Variants in DLG2 observed in about 807,000 individuals in gnomAD.
DLG2 encodes disks large homolog 2.
In DLG2, 45 loss-of-function variants were observed where a neutral mutation model predicts 132.5. The ratio of observed to expected loss-of-function variants is 0.34; its 90% CI spans 0.27 to 0.44. DLG2 has a LOEUF of 0.44. Among genes scored for constraint, DLG2 ranks in the 20% least tolerant of loss-of-function variants. The probability of loss-of-function intolerance (pLI) is 1.00; values close to 1 mark genes in which losing one functional copy is unlikely to be tolerated. For synonymous variants in DLG2, 424 were observed against 419.6 expected, an observed-to-expected ratio of 1.01 and a Z score of -0.13; for missense variants, 1,045 against 1,196.9, an observed-to-expected ratio of 0.87 and a Z score of 1.87.
intron 6 of DLG2, among the ~76,000 whole-genome samples, chr11:84,981,084 T>C (rs2055673833): frequency 6.6e-6 from 1 of 152,186 alleles, no homozygotes; most frequent in African/African-American, 2.4e-5. Flanking sequence ...ATATTACTGG[T>C]ATTTAATAAA....
At chr11:84,259,724 A>T (rs1373186879) in intron 7 of DLG2, among the ~76,000 whole-genome samples, 1 of 152,174 alleles carries the variant, frequency 6.6e-6, no homozygotes. Flanking sequence ...TTTTGGCTTG[A>T]AATCAATTTG....
At chr11:85,038,294 A>G (rs2154147899) in intron 6 of DLG2, among the ~76,000 whole-genome samples, 1 of 152,202 alleles carries the variant, frequency 6.6e-6, no homozygotes, top group South Asian at 2.1e-4. Flanking sequence ...TTGTGAAGTC[A>G]CTTAATCCCA....
At chr11:84,214,303 ATATT>A (rs1464434215) in intron 8 of DLG2, among the ~76,000 whole-genome samples, 1 of 145,222 alleles carries the variant, frequency 6.9e-6, no homozygotes, top group Non-Finnish European at 1.5e-5. Context: ...GAGAGAATAT[ATATT>A]TCTATACATG....
In DLG2 at chr11:85,104,872, C is replaced by CAAAAA. The variant is rs56043190; in HGVS notation, c.357+6784_357+6788dup. ...TTCTATTAGATCTTTGGCTGAATGG[C>CAAAAA]AAAAAAAAAAAAAAAAAAAAAAAAA... On this transcript the variant is annotated intron_variant, in intron 6 of 27. Transcript: ENST00000376104. 4.8e-4 allele frequency among the ~76,000 whole-genome samples: 27 copies of CAAAAA among 56,044 alleles called. 3 individuals are homozygous for CAAAAA. The highest frequency in any genetic ancestry group is 1.3e-3 in the African/African-American group (19 of 14,602). 36.8% of individuals were successfully genotyped at this position (56,044 alleles called of 152,430 possible). A position where few individuals can be genotyped will look rare whatever the true frequency, so the allele number is the denominator to read the frequency against.
intron 2 of DLG2, among the ~76,000 whole-genome samples, chr11:85,619,987 T>G (rs1418259747): frequency 6.6e-6 from 1 of 152,234 alleles, no homozygotes; most frequent in Non-Finnish European, 1.5e-5. Context: ...TATTGCACTT[T>G]GCTTTACTGC....
At chr11:84,093,511 T>G (rs920550550) in intron 10 of DLG2, among the ~76,000 whole-genome samples, 3 of 152,212 alleles carry the variant, frequency 2.0e-5, no homozygotes, top group African/African-American at 4.8e-5. Flanking sequence ...TTCTCCCTAT[T>G]TTAAGGTAAA....
intron 7 of DLG2, among the ~76,000 whole-genome samples, chr11:84,352,757 C>A (rs1271872278): frequency 6.6e-6 from 1 of 152,092 alleles, no homozygotes; most frequent in Non-Finnish European, 1.5e-5. Context: ...TGCCACCTGG[C>A]AACTGTTTAT....
At chr11:83,794,436 G>GTTTTTT (rs1566986420) in intron 17 of DLG2, among the ~76,000 whole-genome samples, 1 of 90,004 alleles carries the variant, frequency 1.1e-5, no homozygotes, top group African/African-American at 5.0e-5. Flanking sequence ...ATTTACTATT[G>GTTTTTT]GTTTTTTTTT....
intron 6 of DLG2, among the ~76,000 whole-genome samples, chr11:84,634,147 A>G (rs930910886): frequency 6.6e-5 from 10 of 152,088 alleles, no homozygotes; most frequent in Admixed American, 5.9e-4. Context: ...AGAAATCTGG[A>G]TTTGAGATCT....
intron 6 of DLG2, among the ~76,000 whole-genome samples, chr11:84,662,582 T>G (rs2099695585): frequency 6.7e-6 from 1 of 150,190 alleles, no homozygotes; most frequent in South Asian, 2.2e-4. Flanking sequence ...AGGTTGGGAG[T>G]TCGAGACCAG....
chr11:84,561,744 C>T (rs1417950402), intron 6 of DLG2, among the ~76,000 whole-genome samples: 1 of 151,880 alleles, frequency 6.6e-6, no homozygotes, highest in African/African-American at 2.4e-5. Flanking sequence ...ATTTGAAATG[C>T]TAAGAAAATA....
intron 2 of DLG2, among the ~76,000 whole-genome samples, chr11:85,600,209 C>T (rs756596055): frequency 6.6e-5 from 10 of 152,152 alleles, no homozygotes; most frequent in Non-Finnish European, 1.3e-4. Flanking sequence ...CTAAGGTCAA[C>T]TCCTCTCTTG....
rs1343192234 is a variant in DLG2, at chr11:83,888,404, G to A, written c.1497-13916C>T. ...AATCCCACTTACAAGGGATGTGAAG[G>A]ACCTCTTCAAGGAGAACTACAAACC... On this transcript the variant is annotated intron_variant, in intron 15 of 27. Coordinates refer to ENST00000376104, the MANE Select transcript of DLG2 (RefSeq NM_001142699.3). Among the ~76,000 whole-genome samples, 3 of 152,022 alleles carry A rather than the reference G, an allele frequency of 2.0e-5. No homozygotes were observed. The East Asian group carries it at 5.8e-4, about 29-fold the overall frequency.
intron 19 of DLG2, among the ~76,000 whole-genome samples, chr11:83,576,969 C>T (rs2096883052): frequency 6.6e-6 from 1 of 152,128 alleles, no homozygotes; most frequent in African/African-American, 2.4e-5. Context: ...TTGAAGGATA[C>T]AAAGTATTGA....
At chr11:85,314,747 G>A (rs1459193177) in intron 3 of DLG2, among the ~76,000 whole-genome samples, 2 of 151,984 alleles carry the variant, frequency 1.3e-5, no homozygotes, top group Non-Finnish European at 2.9e-5. Flanking sequence ...TGCCCTACCA[G>A]CTCTCTCAGC....
chr11:84,643,270 T>C (rs891329888), intron 6 of DLG2, among the ~76,000 whole-genome samples: 7 of 152,136 alleles, frequency 4.6e-5, no homozygotes, highest in Non-Finnish European at 8.8e-5. Flanking sequence ...TTTAGTGAAT[T>C]TGATGAAGAT....
chr11:83,604,068 T>G (rs1009092508), intron 19 of DLG2, among the ~76,000 whole-genome samples: 1 of 152,196 alleles, frequency 6.6e-6, no homozygotes, highest in Non-Finnish European at 1.5e-5. Context: ...CAGAAATATA[T>G]TCATGAATAT....
At chr11:84,194,262 G>A (rs1029350645) in intron 8 of DLG2, among the ~76,000 whole-genome samples, 6 of 152,152 alleles carry the variant, frequency 3.9e-5, no homozygotes, top group African/African-American at 9.7e-5. Context: ...GAATGAAGCC[G>A]TGGACCCTTG....
intron 3 of DLG2, among the ~76,000 whole-genome samples, chr11:85,478,290 GA>G (rs1267180162): frequency 1.3e-5 from 2 of 152,026 alleles, no homozygotes; most frequent in Non-Finnish European, 2.9e-5. Flanking sequence ...TTAAAATGGT[GA>G]GATGACAAGC....
Sources: gnomAD v4.1 joint callset for allele counts (sites outside exome capture counted in the v4.1 genomes callset) on GRCh38, gnomAD v4.1.1 for gene constraint, MANE v1.5 for transcripts, NCBI Gene and HGNC (gene_info 2026-07-23, HGNC 2026-07-21) for gene names.